Variants in UBE2D2 observed in about 807,000 individuals in gnomAD.
The protein encoded by UBE2D2 is ubiquitin-conjugating enzyme E2 D2.
In UBE2D2, 2 loss-of-function variants were observed where a neutral mutation model predicts 24.2. That is an observed-to-expected ratio of 0.08 (90% CI 0.03 to 0.26). The LOEUF (loss-of-function observed/expected upper bound fraction) is 0.26. Ranked by LOEUF, UBE2D2 falls within the 10% of genes least tolerant of loss-of-function variation. The pLI is 1.00. For synonymous variants in UBE2D2, 58 were observed against 56.5 expected (o/e 1.03, Z -0.12); for missense variants, 44 against 177.6 (o/e 0.25, Z 4.28).
chr5:139,529,545 G>A (rs1752577359), intron 1 of UBE2D2, among the ~76,000 whole-genome samples: 1 of 152,124 alleles, frequency 6.6e-6, no homozygotes, highest in Admixed American at 6.6e-5. Flanking sequence ...AAAAGATCCT[G>A]TTTGGCTCCA....
At chr5:139,609,485 C>T (rs1754266198) in intron 2 of UBE2D2, among the ~76,000 whole-genome samples, 1 of 151,850 alleles carries the variant, frequency 6.6e-6, no homozygotes, top group Non-Finnish European at 1.5e-5. Flanking sequence ...ATTCTTCTGC[C>T]TCAGCCTCCC....
At chr5:139,625,411 G>C (rs1368054858) in intron 6 of UBE2D2, among the ~76,000 whole-genome samples, 10 of 121,146 alleles carry the variant, frequency 8.3e-5, no homozygotes, top group African/African-American at 3.1e-4. Context: ...TACCGTGCAA[G>C]GCCAGCATAC....
chr5:139,620,137 C>T (rs377610657), intron 5 of UBE2D2, among the ~76,000 whole-genome samples: 21 of 152,162 alleles, frequency 1.4e-4, no homozygotes, highest in African/African-American at 3.6e-4. Context: ...ATAATCCAGT[C>T]GCCTCCCACC....
intron 2 of UBE2D2, among the ~76,000 whole-genome samples, chr5:139,605,557 A>G (rs1419333945): frequency 1.5e-5 from 2 of 137,464 alleles, no homozygotes; most frequent in Non-Finnish European, 3.0e-5. Context: ...ACGCCACTGC[A>G]CTCCAGCCTG....
chr5:139,542,913 C>G (rs1202955587), intron 1 of UBE2D2, among the ~76,000 whole-genome samples: 1 of 151,986 alleles, frequency 6.6e-6, no homozygotes, highest in Non-Finnish European at 1.5e-5. Context: ...TTTATTTGTT[C>G]ATTGAGACGG....
intron 1 of UBE2D2, among the ~76,000 whole-genome samples, chr5:139,554,176 C>T (rs1485070267): frequency 1.3e-5 from 2 of 152,070 alleles, no homozygotes; most frequent in African/African-American, 4.8e-5. Context: ...TTTCCTTGAT[C>T]GCATTTTTTT....
chr5:139,560,977 C>T (rs1032209824), upstream of UBE2D2, among the ~76,000 whole-genome samples: 1 of 152,212 alleles, frequency 6.6e-6, no homozygotes, highest in African/African-American at 2.4e-5. Flanking sequence ...AGGAGCGCTG[C>T]AGTGGGCCTA....
intron 1 of UBE2D2, among the ~76,000 whole-genome samples, chr5:139,548,185 A>C (rs1238855311): frequency 3.8e-5 from 1 of 26,244 alleles, no homozygotes; most frequent in Non-Finnish European, 6.3e-5. Context: ...AAAAAAAAAT[A>C]AAAAAAAAAA....
At chr5:139,574,126 G>A (rs1424363451) in intron 1 of UBE2D2, among the ~76,000 whole-genome samples, 1 of 146,866 alleles carries the variant, frequency 6.8e-6, no homozygotes, top group Non-Finnish European at 1.5e-5. Flanking sequence ...TGTTGCCCAG[G>A]CTGGAGTGCT....
chr5:139,580,683 G>A (rs1043768740), intron 1 of UBE2D2, among the ~76,000 whole-genome samples: 1 of 152,118 alleles, frequency 6.6e-6, no homozygotes, highest in Admixed American at 6.6e-5. Flanking sequence ...CTGACGTCAT[G>A]ATCCACCCAT....
At chr5:139,595,870 GGTTTTTTTTTT>G (rs1469807416) in intron 1 of UBE2D2, among the ~76,000 whole-genome samples, 3 of 148,834 alleles carry the variant, frequency 2.0e-5, no homozygotes, top group African/African-American at 7.4e-5. Context: ...GTTTCTTGTG[GGTTTTTTTTTT>G]GTTTTTTGTT....
chr5:139,605,250 T>G (rs1754172918), intron 2 of UBE2D2, among the ~76,000 whole-genome samples: 1 of 152,140 alleles, frequency 6.6e-6, no homozygotes, highest in Admixed American at 6.6e-5. Context: ...GTAAATTTTT[T>G]TTCACTTTCC....
At chr5:139,576,614 G>T (rs937371301) in intron 1 of UBE2D2, among the ~76,000 whole-genome samples, 1 of 151,816 alleles carries the variant, frequency 6.6e-6, no homozygotes, top group Non-Finnish European at 1.5e-5. Flanking sequence ...TGATCTGCCC[G>T]CCTCAGCCTT....
At chr5:139,563,306 A>G (rs1190540091) in intron 1 of UBE2D2, among the ~76,000 whole-genome samples, 1 of 152,126 alleles carries the variant, frequency 6.6e-6, no homozygotes, top group Admixed American at 6.6e-5. Context: ...TAGCTCCTTA[A>G]CTTCTTTTGA....
chr5:139,551,018 CA>C (rs1200176941), intron 1 of UBE2D2, among the ~76,000 whole-genome samples: 1 of 152,138 alleles, frequency 6.6e-6, no homozygotes, highest in Non-Finnish European at 1.5e-5. Context: ...GGAAAAAGCA[CA>C]AGTGTGCATA....
chr5:139,597,150 C>T (rs774064883), intron 1 of UBE2D2, among the ~76,000 whole-genome samples: 10 of 152,104 alleles, frequency 6.6e-5, no homozygotes, highest in Non-Finnish European at 1.5e-4. Context: ...TGTCCAATCT[C>T]TACCAAAATA....
At chr5:139,572,796 A>T (rs1753377273) in intron 1 of UBE2D2, among the ~76,000 whole-genome samples, 1 of 151,822 alleles carries the variant, frequency 6.6e-6, no homozygotes, top group Non-Finnish European at 1.5e-5. Flanking sequence ...GATTACAGGC[A>T]TGCACCACCG....
chr5:139,584,533 C>CTTTTTTTTTT (rs10642044), intron 1 of UBE2D2, among the ~76,000 whole-genome samples: 58 of 133,046 alleles, frequency 4.4e-4, no homozygotes, highest in South Asian at 1.2e-3. Flanking sequence ...CTTTTCTTTT[C>CTTTTTTTTTT]TTTTTTTTTT....
At chr5:139,600,519 C>A in intron 2 of UBE2D2, 84 bp downstream of exon 2, 2 of 1,404,792 alleles carry the variant, frequency 1.4e-6, no homozygotes, top group Non-Finnish European at 2.0e-6. Context: ...AGGGAAGAGG[C>A]AGTGTTTAAC....
Sources: allele counts gnomAD v4.1 joint callset (sites outside exome capture counted in the v4.1 genomes callset), GRCh38; gene constraint gnomAD v4.1.1; transcripts MANE v1.5; gene names NCBI Gene and HGNC (gene_info 2026-07-23, HGNC 2026-07-21).